SMIM8: variants seen among roughly 807,000 people sequenced by gnomAD.
SMIM8 encodes the protein small integral membrane protein 8, also known as UPF0708 protein C6orf162.
In SMIM8, 8 loss-of-function variants were observed where a neutral mutation model predicts 8.1. The observed-to-expected ratio is 0.99, with a 90% CI of 0.58 to 1.78. SMIM8 has a LOEUF of 1.78. Ranked by LOEUF, SMIM8 falls within the 40% of genes most tolerant of loss-of-function variation. The pLI, the probability that SMIM8 is intolerant of heterozygous loss-of-function variation, is 0.00. For missense variants in SMIM8, 126 were observed against 119.8 expected, an observed-to-expected ratio of 1.05 and a Z score of -0.24; for synonymous variants, 45 against 39.7, an observed-to-expected ratio of 1.13 and a Z score of -0.50.
At chr6:87,332,792 G>T (rs1205601052) in intron 2 of SMIM8, among the ~76,000 whole-genome samples, 1 of 34,812 alleles carries the variant, frequency 2.9e-5, no homozygotes, top group East Asian at 6.5e-4. Context: ...GCTTTTTCAG[G>T]CCTTTGTAGT....
At chr6:87,339,626 A>G (rs896736908) in intron 3 of SMIM8, among the ~76,000 whole-genome samples, 3 of 152,104 alleles carry the variant, frequency 2.0e-5, no homozygotes, top group African/African-American at 7.2e-5. Flanking sequence ...TGCCTATTAT[A>G]TAAAAGGTTT....
rs974059444 is a variant in SMIM8 at position 87,341,202 on chromosome 6, C to A, written c.*928C>A. 7.5e-6 allele frequency: 3 copies of A among 398,152 alleles called. No homozygotes were observed. The highest frequency in any genetic ancestry group is 8.8e-5 in the Admixed American group (2 of 22,700). The allele number at this position is 398,152 out of a possible 1,614,324, so 24.7% of individuals were successfully genotyped here. A position where few individuals can be genotyped will look rare whatever the true frequency, so the allele number is the denominator to read the frequency against. On this transcript the variant is annotated 3_prime_UTR_variant, in exon 4 of 4. Coordinates refer to ENST00000392863, the MANE Select transcript of SMIM8 (RefSeq NM_001042493.3). The stretch of plus-strand genomic sequence containing the variant: ...CTTTTGAAGTTTATATGCCAGCAGG[C>A]CTTTTTGTTTTTTTCCTTTTCAGAA...
intron 1 of SMIM8, among the ~76,000 whole-genome samples, chr6:87,323,322 G>A (rs193053393): frequency 6.6e-6 from 1 of 152,172 alleles, no homozygotes; most frequent in African/African-American, 2.4e-5. Flanking sequence ...TGTGCACAAT[G>A]TGCAGGTTAG....
At position 87,337,089 on chromosome 6, in the gene SMIM8, T is replaced by C. The variant is rs1243291213; in HGVS notation, c.58T>C (p.Phe20Leu). 1.2e-6 allele frequency: 2 copies of C among 1,612,780 alleles called. No individual in the cohort carries two copies. The highest frequency in any genetic ancestry group is 1.7e-6 in the Non-Finnish European group (2 of 1,179,406). The change falls in exon 3 of 4, where the codon TTT becomes CTT. Residue 20 changes from phenylalanine to leucine, a missense_variant. Phe to Leu is a conservative substitution (Grantham distance 22). Coordinates refer to ENST00000392863, the MANE Select transcript of SMIM8 (RefSeq NM_001042493.3). ...FKKEPPKEKE[F>L]QSPGLRGVRT... ...AAAGGAACCACCCAAAGAGAAAGAG[T>C]TTCAAAGCCCAGGGCTCAGAGGGGT... is the stretch of plus-strand genomic sequence containing the variant.
chr6:87,339,436 T>G lies in SMIM8; in HGVS notation c.136-680T>G, dbSNP rs9362421. Among the ~76,000 whole-genome samples, 287 of 113,106 alleles carry G rather than the reference T, an allele frequency of 2.5e-3. 2 individuals are homozygous for G. Among genetic ancestry groups the G allele is most frequent in the Middle Eastern group, 5.1e-3 (1 of 198 alleles). The allele number at this position is 113,106 out of a possible 152,430, so 74.2% of individuals were successfully genotyped here. On this transcript the variant is annotated intron_variant, in intron 3 of 3. Coordinates refer to ENST00000392863, the MANE Select transcript of SMIM8 (RefSeq NM_001042493.3). Reference sequence around the variant, plus strand: ...AGCGTGTGTGTGTGTGTGTGTGTGTTTGTGTGTGTGTGTGTGTGTGTGTGT... The same window carrying G: ...AGCGTGTGTGTGTGTGTGTGTGTGTGTGTGTGTGTGTGTGTGTGTGTGTGT...
intron 2 of SMIM8, among the ~76,000 whole-genome samples, chr6:87,336,444 T>G (rs1777115116): frequency 6.6e-6 from 1 of 152,154 alleles, no homozygotes; most frequent in African/African-American, 2.4e-5. Context: ...TGATTGGCAA[T>G]GGAAGAGTAA....
intron 3 of SMIM8, among the ~76,000 whole-genome samples, chr6:87,339,436 TTGTGTGTG>T (rs150051963): frequency 1.5e-4 from 17 of 113,166 alleles, no homozygotes; most frequent in East Asian, 5.1e-4. Flanking sequence ...GTGTGTGTGT[TTGTGTGTG>T]TGTGTGTGTG....
At chr6:87,339,190 A>C (rs1777168578) in intron 3 of SMIM8, among the ~76,000 whole-genome samples, 1 of 152,168 alleles carries the variant, frequency 6.6e-6, no homozygotes, top group Non-Finnish European at 1.5e-5. Context: ...CTGTAGTCCC[A>C]GCTTGGGAGG....
intron 2 of SMIM8, 88 bp from the exon 3 acceptor site, chr6:87,336,921 C>T (rs1399759337): frequency 8.8e-7 from 1 of 1,132,356 alleles, no homozygotes; most frequent in Non-Finnish European, 1.2e-6. Flanking sequence ...GGTTGGAATT[C>T]AAAGAAGGAA....
chr6:87,338,300 T>C (rs1777155092), intron 3 of SMIM8, among the ~76,000 whole-genome samples: 1 of 152,184 alleles, frequency 6.6e-6, no homozygotes, highest in Non-Finnish European at 1.5e-5. Flanking sequence ...AGGGAGTTTA[T>C]TTGGGCCAAG....
At chr6:87,323,844 C>T (rs1360807304) in intron 1 of SMIM8, among the ~76,000 whole-genome samples, 10 of 152,054 alleles carry the variant, frequency 6.6e-5, no homozygotes, top group Admixed American at 6.5e-5. Context: ...CCTGAGGAAT[C>T]GCCACACTGA....
intron 1 of SMIM8, among the ~76,000 whole-genome samples, chr6:87,326,441 C>T (rs1031075948): frequency 6.6e-6 from 1 of 152,098 alleles, no homozygotes; most frequent in African/African-American, 2.4e-5. Flanking sequence ...GCTTTGAATG[C>T]ATCCCAGAGA....
rs555327336 is a variant in SMIM8, at chr6:87,324,252, TTGC to T, written c.-45+1623_-45+1625del. Reference sequence around the variant, plus strand: ...CTGTTCACTCTGATGGTAGTTTCTTTTGCTGTGCAGAAGCTCTTTAATTAGATC... The same window carrying T: ...CTGTTCACTCTGATGGTAGTTTCTTTTGTGCAGAAGCTCTTTAATTAGATC... On this transcript the variant is annotated intron_variant, in intron 1 of 3. Transcript: ENST00000392863. Among the ~76,000 whole-genome samples the T allele has an allele frequency of 4.6e-3, 702 of 152,340 alleles. 2 individuals are homozygous for T. Among genetic ancestry groups the T allele is most frequent in the African/African-American group, 0.016 (667 of 41,568 alleles).
chr6:87,342,101 G>A lies in SMIM8; in HGVS notation c.*1827G>A, dbSNP rs1256324081. 1.3e-5 allele frequency: 2 copies of A among 152,168 alleles called. No individual in the cohort carries two copies. The highest frequency in any genetic ancestry group is 2.9e-5 in the Non-Finnish European group (2 of 68,016). 9.4% of individuals were successfully genotyped at this position (152,168 alleles called of 1,614,324 possible). A position where few individuals can be genotyped will look rare whatever the true frequency, so the allele number is the denominator to read the frequency against. ...ATGTGAATGAACCAAAGTAACTAGA[G>A]TCAGTCAAGCACAAAGCTGTGAAAA... On this transcript the variant is annotated 3_prime_UTR_variant, in exon 4 of 4. Transcript: ENST00000392863.
chr6:87,335,590 A>G (rs779246544), intron 2 of SMIM8, among the ~76,000 whole-genome samples: 6 of 152,160 alleles, frequency 3.9e-5, no homozygotes, highest in Non-Finnish European at 7.4e-5. Context: ...ACATTCAGCG[A>G]CTACTGCAAC....
chr6:87,324,409 C>T (rs1243272566), intron 1 of SMIM8, among the ~76,000 whole-genome samples: 3 of 151,522 alleles, frequency 2.0e-5, no homozygotes, highest in African/African-American at 4.9e-5. Context: ...TTAGGTCTAA[C>T]GTTTAAGTCT....
intron 2 of SMIM8, among the ~76,000 whole-genome samples, chr6:87,332,436 T>C (rs998190467): frequency 3.3e-5 from 5 of 149,448 alleles, no homozygotes; most frequent in African/African-American, 1.2e-4. Context: ...ATATACAGTA[T>C]ATAATTTTAT....
In SMIM8 at chr6:87,328,430, G is replaced by C. The variant is rs139090680; in HGVS notation, c.-44-2262G>C. On this transcript the variant is annotated intron_variant, in intron 1 of 3. Coordinates refer to ENST00000392863, the MANE Select transcript of SMIM8 (RefSeq NM_001042493.3). ...GATGGTGATGTACAGATGGGTTTTT[G>C]GTGTGGATGTCCTTTCTGTTTGTTA... Among the ~76,000 whole-genome samples the C allele has an allele frequency of 6.2e-3, 939 of 152,048 alleles. 15 individuals are homozygous for C. The highest frequency in any genetic ancestry group is 0.022 in the African/African-American group (893 of 41,422).
At position 87,341,614 on chromosome 6, in the gene SMIM8, C is replaced by T. The variant is rs1038193251; in HGVS notation, c.*1340C>T. 1.2e-5 allele frequency: 3 copies of T among 258,704 alleles called. No individual in the cohort carries two copies. Among genetic ancestry groups the T allele is most frequent in the Admixed American group, 1.1e-4 (2 of 18,638 alleles). 16.0% of individuals were successfully genotyped at this position (258,704 alleles called of 1,614,324 possible). On this transcript the variant is annotated 3_prime_UTR_variant, in exon 4 of 4. Coordinates refer to ENST00000392863, the MANE Select transcript of SMIM8 (RefSeq NM_001042493.3). ...TAATAACAGCACAGGCAGAGTTTAT[C>T]ATAATGTTATTTTTAATTTGTCATA...
Sources: gnomAD v4.1 joint callset for allele counts (sites outside exome capture counted in the v4.1 genomes callset) on GRCh38, gnomAD v4.1.1 for gene constraint, MANE v1.5 for transcripts, NCBI Gene and HGNC (gene_info 2026-07-23, HGNC 2026-07-21) for gene names.